ENTHD1: variants seen among roughly 807,000 people sequenced by gnomAD.
The protein encoded by ENTHD1 is ENTH domain-containing protein 1.
ENTHD1 carries 23 observed loss-of-function variants against 39.1 expected under a neutral mutation model. The observed-to-expected ratio is 0.59, with a 90% CI of 0.42 to 0.83. The LOEUF (loss-of-function observed/expected upper bound fraction) is 0.83, where lower values mean the gene tolerates loss of function less well. Ranked by LOEUF, ENTHD1 falls within the 40% of genes least tolerant of loss-of-function variation. The pLI is 0.00. For synonymous variants in ENTHD1, 230 were observed against 258.2 expected, an observed-to-expected ratio of 0.89 and a Z score of 1.05; for missense variants, 624 against 705.4, an observed-to-expected ratio of 0.88 and a Z score of 1.31.
chr22:39,807,785 T>C (rs1326197657), intron 5 of ENTHD1, among the ~76,000 whole-genome samples: 1 of 152,094 alleles, frequency 6.6e-6, no homozygotes, highest in Non-Finnish European at 1.5e-5. Flanking sequence ...TTTTAAAAAG[T>C]AAAATGACTA....
intron 2 of ENTHD1, among the ~76,000 whole-genome samples, chr22:39,873,989 A>G (rs1601660698): frequency 2.0e-5 from 3 of 152,208 alleles, no homozygotes; most frequent in Admixed American, 2.0e-4. Flanking sequence ...CCACATGGCT[A>G]GGGAGGCCTC....
chr22:39,745,624 G>A (rs1018113581), intron 6 of ENTHD1, among the ~76,000 whole-genome samples: 1 of 152,208 alleles, frequency 6.6e-6, no homozygotes, highest in Non-Finnish European at 1.5e-5. Context: ...GTCAAGAAAA[G>A]CCAAGAACAG....
chr22:39,780,737 G>A (rs1431582541), intron 5 of ENTHD1, among the ~76,000 whole-genome samples: 1 of 152,154 alleles, frequency 6.6e-6, no homozygotes, highest in African/African-American at 2.4e-5. Context: ...GGTGGCTTGC[G>A]CCTATAATCC....
chr22:39,891,700 C>A (rs2066428407), intron 1 of ENTHD1, among the ~76,000 whole-genome samples: 1 of 151,130 alleles, frequency 6.6e-6, no homozygotes, highest in East Asian at 1.9e-4. Context: ...CTCATTGCAA[C>A]CTCCACCTCC....
At chr22:39,748,656 C>G (rs190226991) in intron 6 of ENTHD1, among the ~76,000 whole-genome samples, 7 of 152,144 alleles carry the variant, frequency 4.6e-5, no homozygotes, top group Admixed American at 1.3e-4. Flanking sequence ...ATCTCCTGAC[C>G]TCGTGATCTG....
intron 5 of ENTHD1, among the ~76,000 whole-genome samples, chr22:39,815,573 T>C (rs1045495807): frequency 2.6e-5 from 4 of 152,168 alleles, no homozygotes; most frequent in African/African-American, 9.7e-5. Context: ...CAATCTGGCA[T>C]TACCTAGCAA....
chr22:39,749,203 C>T (rs1053672858), intron 6 of ENTHD1, among the ~76,000 whole-genome samples: 2 of 152,206 alleles, frequency 1.3e-5, no homozygotes, highest in African/African-American at 2.4e-5. Flanking sequence ...TGCATCCTCA[C>T]TGCCCATTTA....
intron 5 of ENTHD1, among the ~76,000 whole-genome samples, chr22:39,803,679 G>A: frequency 6.6e-6 from 1 of 152,102 alleles, no homozygotes; most frequent in East Asian, 1.9e-4. Flanking sequence ...GATGCTTATA[G>A]CAAGTTGAAC....
At chr22:39,862,362 A>G (rs1293157497) in intron 2 of ENTHD1, among the ~76,000 whole-genome samples, 2 of 152,104 alleles carry the variant, frequency 1.3e-5, no homozygotes, top group East Asian at 3.9e-4. Context: ...ATCCTGGCCA[A>G]TATGGTGAAA....
intron 5 of ENTHD1, among the ~76,000 whole-genome samples, chr22:39,803,158 G>A (rs1174085723): frequency 6.6e-6 from 1 of 151,932 alleles, no homozygotes; most frequent in African/African-American, 2.4e-5. Context: ...ACATGCCATT[G>A]CCCCTGCCTG....
chr22:39,804,734 G>C (rs2065627197), intron 5 of ENTHD1, among the ~76,000 whole-genome samples: 1 of 152,086 alleles, frequency 6.6e-6, no homozygotes, highest in South Asian at 2.1e-4. Context: ...AATCCCCAAG[G>C]CCCTTCCCCA....
chr22:39,814,979 C>T (rs533951749), intron 5 of ENTHD1, among the ~76,000 whole-genome samples: 4 of 152,094 alleles, frequency 2.6e-5, no homozygotes, highest in East Asian at 1.9e-4. Flanking sequence ...ACTGGAAAAA[C>T]GTTTAAGAGA....
chr22:39,877,051 G>A (rs1214150910), intron 2 of ENTHD1, among the ~76,000 whole-genome samples: 1 of 152,152 alleles, frequency 6.6e-6, no homozygotes, highest in African/African-American at 2.4e-5. Context: ...GACTACCTGC[G>A]AATGTTAACG....
chr22:39,790,821 C>A lies in ENTHD1; in HGVS notation c.833-25212G>T, dbSNP rs149338253. On this transcript the variant is annotated intron_variant, in intron 5 of 6. Coordinates refer to ENST00000325157, the MANE Select transcript of ENTHD1 (RefSeq NM_152512.4). ...GGATTAGCAAGTAGCGGTCTTCCCA[C>A]TGCTTCCCCACAAGGGAGTTGGGTG... Among the ~76,000 whole-genome samples, 380 of 152,374 alleles carry A rather than the reference C, an allele frequency of 2.5e-3. 1 individual carries two copies. Among genetic ancestry groups the A allele is most frequent in the Non-Finnish European group, 4.0e-3 (274 of 68,036 alleles).
At position 39,757,520 on chromosome 22, in the gene ENTHD1, T is replaced by C. The variant is rs138653653; in HGVS notation, c.1219+7703A>G. 7.2e-3 allele frequency among the ~76,000 whole-genome samples: 1,090 copies of C among 152,006 alleles called. 5 individuals carry two copies. Among genetic ancestry groups the C allele is most frequent in the African/African-American group, 0.025 (1,030 of 41,446 alleles). The stretch of plus-strand genomic sequence containing the variant: ...GGCGAAACCCCATCTCTACTAAAAA[T>C]GCAAAAATTAGCTGGGCATGGTGGC... On this transcript the variant is annotated intron_variant, in intron 6 of 6. Transcript: ENST00000325157.
At chr22:39,839,493 C>A (rs965935679) in intron 3 of ENTHD1, among the ~76,000 whole-genome samples, 1 of 152,096 alleles carries the variant, frequency 6.6e-6, no homozygotes, top group African/African-American at 2.4e-5. Context: ...GAAGGACCTA[C>A]GTGGGCAAAG....
At chr22:39,756,333 C>G (rs2065185611) in intron 6 of ENTHD1, among the ~76,000 whole-genome samples, 1 of 151,768 alleles carries the variant, frequency 6.6e-6, no homozygotes, top group Non-Finnish European at 1.5e-5. Flanking sequence ...CACACACACA[C>G]ACACACGCAC....
At chr22:39,807,563 C>T (rs1465730900) in intron 5 of ENTHD1, among the ~76,000 whole-genome samples, 4 of 151,682 alleles carry the variant, frequency 2.6e-5, no homozygotes, top group East Asian at 1.9e-4. Context: ...CTTCCATTCT[C>T]CCAACTGGCC....
At chr22:39,823,468 C>T (rs1228685731) in intron 4 of ENTHD1, among the ~76,000 whole-genome samples, 1 of 152,152 alleles carries the variant, frequency 6.6e-6, no homozygotes, top group Non-Finnish European at 1.5e-5. Context: ...CTTCAGCCTC[C>T]CAAGTAGCTG....
Sources: allele counts gnomAD v4.1 joint callset (sites outside exome capture counted in the v4.1 genomes callset), GRCh38; gene constraint gnomAD v4.1.1; transcripts MANE v1.5; gene names NCBI Gene and HGNC (gene_info 2026-07-23, HGNC 2026-07-21).